Variants in ELAVL4 observed in about 807,000 individuals in gnomAD.
The protein encoded by ELAVL4 is ELAV like RNA binding protein 4.
In ELAVL4, 1 loss-of-function variant was observed where a neutral mutation model predicts 35.6. That is an observed-to-expected ratio of 0.03 (90% CI 0.01 to 0.13). ELAVL4 has a LOEUF of 0.13. Ranked by LOEUF, ELAVL4 falls within the 10% of genes least tolerant of loss-of-function variation. ELAVL4 has a pLI of 1.00. For synonymous variants in ELAVL4, 156 were observed against 171.0 expected (o/e 0.91, Z 0.69); for missense variants, 267 against 464.9 (o/e 0.57, Z 3.91).
At position 50,177,187 on chromosome 1, in the gene ELAVL4, A is replaced by G. The variant is rs1469105007; in HGVS notation, c.349A>G (p.Ile117Val). The G allele has an allele frequency of 1.2e-6, 2 of 1,612,982 alleles. No individual in the cohort carries two copies. Among genetic ancestry groups the G allele is most frequent in the East Asian group, 2.2e-5 (1 of 44,814 alleles). Reference sequence around the variant, plus strand: ...TGGACTCAGACTCCAGACCAAAACCATAAAGGTAAGAGGTGATGTGCTGGC... The same window carrying G: ...TGGACTCAGACTCCAGACCAAAACCGTAAAGGTAAGAGGTGATGTGCTGGC... Reference protein sequence around the residue: ...LNGLRLQTKTIKVSYARPSSA... With the variant: ...LNGLRLQTKTVKVSYARPSSA... Residue 117 changes from isoleucine to valine, a missense_variant, in exon 3 of 7, where the codon ATA (isoleucine) becomes GTA (valine). By Grantham distance (29) the Ile-to-Val change is conservative. Around this residue, in one of 2 missense-constraint regions of ELAVL4, gnomAD observed 216 missense variants for 409.5 expected, o/e 0.53. Coordinates refer to ENST00000371824, the MANE Select transcript of ELAVL4 (RefSeq NM_001144774.3).
intron 1 of ELAVL4, among the ~76,000 whole-genome samples, chr1:50,049,588 G>A (rs11205675): frequency 0.6 from 91,753 of 152,026 alleles, 28,370 homozygotes; most frequent in Non-Finnish European, 0.67. Flanking sequence ...TAAAGTGACA[G>A]TACAATGCTG....
At chr1:50,162,155 T>C (rs1448663701) in intron 2 of ELAVL4, among the ~76,000 whole-genome samples, 1 of 152,224 alleles carries the variant, frequency 6.6e-6, no homozygotes, top group Non-Finnish European at 1.5e-5. Context: ...GTTGGATTGC[T>C]TTAGACAATA....
intron 1 of ELAVL4, among the ~76,000 whole-genome samples, chr1:50,075,649 C>T (rs193167337): frequency 3.9e-5 from 6 of 152,182 alleles, no homozygotes; most frequent in African/African-American, 1.4e-4. Context: ...TGGTCCTATA[C>T]TTACAATGGT....
intron 1 of ELAVL4, among the ~76,000 whole-genome samples, chr1:50,060,847 G>A (rs2148476971): frequency 6.6e-6 from 1 of 152,222 alleles, no homozygotes. Context: ...ACTTCCTCTG[G>A]CCAGGTACCC....
At chr1:50,131,712 C>G (rs368833846) in intron 1 of ELAVL4, among the ~76,000 whole-genome samples, 9 of 152,042 alleles carry the variant, frequency 5.9e-5, no homozygotes, top group African/African-American at 1.7e-4. Flanking sequence ...ATCACTTGAA[C>G]CTAGGAGGCG....
chr1:50,079,336 A>G (rs1450015966), intron 1 of ELAVL4, among the ~76,000 whole-genome samples: 2 of 152,212 alleles, frequency 1.3e-5, no homozygotes, highest in Non-Finnish European at 2.9e-5. Context: ...TCTTGGGATC[A>G]TCACAGGGGA....
At chr1:50,180,219 A>G (rs547746296) in intron 3 of ELAVL4, 15 of 151,800 alleles carry the variant, frequency 9.9e-5, no homozygotes, top group African/African-American at 3.1e-4. Flanking sequence ...CAGGTCCACT[A>G]CAGGCTGAGC....
At chr1:50,158,776 C>T (rs569171173) in intron 2 of ELAVL4, among the ~76,000 whole-genome samples, 2 of 152,328 alleles carry the variant, frequency 1.3e-5, no homozygotes, top group South Asian at 4.1e-4. Context: ...CCTGGTGGCT[C>T]ACCCCTGTAA....
At chr1:50,173,087 AC>A (rs1679329283) in intron 2 of ELAVL4, among the ~76,000 whole-genome samples, 1 of 152,184 alleles carries the variant, frequency 6.6e-6, no homozygotes, top group African/African-American at 2.4e-5. Flanking sequence ...GAGGACTGGT[AC>A]AAATGCATAC....
chr1:50,144,950 T>G lies in ELAVL4; in HGVS notation c.10-7T>G. 6.2e-7 allele frequency: 1 copy of G among 1,603,570 alleles called. No individual in the cohort carries two copies. Among genetic ancestry groups the G allele is most frequent in the Non-Finnish European group, 8.5e-7 (1 of 1,176,866 alleles). On this transcript the variant is annotated splice_polypyrimidine_tract_variant and splice_region_variant and intron_variant, in intron 1 of 6. Coordinates refer to ENST00000371824, the MANE Select transcript of ELAVL4 (RefSeq NM_001144774.3). ...AGGCTTTTTCAATTGTTTTTATTTT[T>G]ATTTAGATAATTAGCACCATGGAGC... is the stretch of plus-strand genomic sequence containing the variant.
At chr1:50,108,804 T>A, upstream of ELAVL4, 1 of 448,128 alleles carries the variant, frequency 2.2e-6, no homozygotes, top group Non-Finnish European at 3.0e-6. Flanking sequence ...AATCTGGCAG[T>A]AGCTAATTTA....
At chr1:50,131,267 T>C (rs1339687860) in intron 1 of ELAVL4, among the ~76,000 whole-genome samples, 1 of 152,166 alleles carries the variant, frequency 6.6e-6, no homozygotes, top group Non-Finnish European at 1.5e-5. Context: ...AATGTAATTT[T>C]TGAAATTTTA....
At chr1:50,186,876 G>A (rs1681909554) in intron 3 of ELAVL4, among the ~76,000 whole-genome samples, 1 of 152,188 alleles carries the variant, frequency 6.6e-6, no homozygotes, top group Admixed American at 6.5e-5. Context: ...TAGGGGAAGT[G>A]TAAAGAGTGG....
intron 1 of ELAVL4, among the ~76,000 whole-genome samples, chr1:50,117,717 T>A (rs1668203045): frequency 6.6e-6 from 1 of 152,150 alleles, no homozygotes; most frequent in Admixed American, 6.6e-5. Context: ...AGTCTGTCAG[T>A]CTTTCTGTCC....
chr1:50,182,332 GTT>G (rs1244095452), intron 3 of ELAVL4, among the ~76,000 whole-genome samples: 1 of 152,206 alleles, frequency 6.6e-6, no homozygotes, highest in Non-Finnish European at 1.5e-5. Context: ...GAATGTGAGG[GTT>G]TGGTATCACA....
chr1:50,195,805 G>A lies in ELAVL4; in HGVS notation c.734+19G>A, dbSNP rs1644020261. 2 of 1,613,598 alleles carry A rather than the reference G, an allele frequency of 1.2e-6. No homozygotes were observed. Among genetic ancestry groups the A allele is most frequent in the Non-Finnish European group, 1.7e-6 (2 of 1,179,666 alleles). On this transcript the variant is annotated intron_variant, in intron 5 of 6. Transcript: ENST00000371824. ...GGTTCAGGTAGGCATGCCCAAAGAG[G>A]AAGAAGCCCTGCTACAGGGGTTCAT...
intron 2 of ELAVL4, among the ~76,000 whole-genome samples, chr1:50,172,624 C>T (rs1300936883): frequency 1.3e-5 from 2 of 152,064 alleles, no homozygotes; most frequent in African/African-American, 4.8e-5. Context: ...TGTCAGGGAC[C>T]CTAAGACCTA....
intron 3 of ELAVL4, among the ~76,000 whole-genome samples, chr1:50,190,747 G>C (rs1299188845): frequency 6.6e-6 from 1 of 152,268 alleles, no homozygotes; most frequent in African/African-American, 2.4e-5. Flanking sequence ...TCCCTGGCAG[G>C]GTTCACCCTG....
intron 2 of ELAVL4, 114 bp downstream of exon 2, chr1:50,145,311 G>A: frequency 6.8e-7 from 1 of 1,478,558 alleles, no homozygotes; most frequent in Non-Finnish European, 9.2e-7. Context: ...CATGCAAGAT[G>A]GCATGGATAC....
Sources: gnomAD v4.1 joint callset for allele counts (sites outside exome capture counted in the v4.1 genomes callset) on GRCh38, gnomAD v4.1.1 for gene constraint, gnomAD v4.1.1 regional missense constraint, MANE v1.5 for transcripts, NCBI Gene and HGNC (gene_info 2026-07-23, HGNC 2026-07-21) for gene names.